Variants in CELF2 observed in about 807,000 individuals in gnomAD.
The protein encoded by CELF2 is CUGBP Elav-like family member 2, also known as CUG triplet repeat RNA-binding protein 2.
A neutral mutation model predicts 62.6 loss-of-function variants in CELF2; 8 were observed. The ratio of observed to expected loss-of-function variants is 0.13; its 90% CI spans 0.07 to 0.23. CELF2 has a LOEUF of 0.23. Among genes scored for constraint, CELF2 ranks in the 10% least tolerant of loss-of-function variants. CELF2 has a pLI of 1.00. For synonymous variants in CELF2, 258 were observed against 250.0 expected, an observed-to-expected ratio of 1.03 and a Z score of -0.30; for missense variants, 333 against 671.0, an observed-to-expected ratio of 0.50 and a Z score of 5.56.
intron 2 of CELF2, among the ~76,000 whole-genome samples, chr10:11,202,699 ATCT>A (rs1248948532): frequency 1.3e-5 from 2 of 152,210 alleles, no homozygotes; most frequent in Non-Finnish European, 2.9e-5. Context: ...TTAGCTATTG[ATCT>A]TCTTGTTATC....
In CELF2 at chr10:11,227,680, A is replaced by C. The variant is rs1055240367; in HGVS notation, c.354+10173A>C. Among the ~76,000 whole-genome samples, 2 of 152,186 alleles carry C rather than the reference A, an allele frequency of 1.3e-5. No individual in the cohort carries two copies. The highest frequency in any genetic ancestry group is 4.8e-5 in the African/African-American group (2 of 41,444). On this transcript the variant is annotated intron_variant, in intron 3 of 12. Transcript: ENST00000633077. This position sits in a 1 kb window ranked among gnomAD's most constrained non-coding sequence, Gnocchi z 4.8. ...TGGAAGCTCAGGCTACCTCTATCTT[A>C]GTTACAACAGTCAGAGCTCATGATG...
chr10:11,236,271 G>T (rs1023954564), intron 3 of CELF2, among the ~76,000 whole-genome samples: 9 of 152,192 alleles, frequency 5.9e-5, no homozygotes, highest in African/African-American at 2.2e-4. Flanking sequence ...AGTTAGTTTT[G>T]AACCAGAGAT....
At chr10:10,612,542 T>C in the CELF2 span, among the ~76,000 whole-genome samples, 1 of 152,132 alleles carries the variant, frequency 6.6e-6, no homozygotes, top group Non-Finnish European at 1.5e-5. Flanking sequence ...GGGAATAATA[T>C]GTGCAAAGAT....
the CELF2 span, among the ~76,000 whole-genome samples, chr10:10,613,138 G>A: frequency 2.1e-4 from 1 of 4,878 alleles, no homozygotes; most frequent in Non-Finnish European, 2.7e-4. Context: ...TAAAAGTAGA[G>A]GGTTTTTTTT....
At chr10:11,163,954 A>G (rs371811205) in intron 1 of CELF2, among the ~76,000 whole-genome samples, 2 of 152,210 alleles carry the variant, frequency 1.3e-5, no homozygotes, top group Non-Finnish European at 2.9e-5. Flanking sequence ...TTAACCAAGT[A>G]AGTAGCTCTC....
chr10:10,783,207 T>C, the CELF2 span, among the ~76,000 whole-genome samples: 1 of 152,208 alleles, frequency 6.6e-6, no homozygotes, highest in East Asian at 1.9e-4. Context: ...ACAGTATCTG[T>C]GACTGTGACC....
the CELF2 span, among the ~76,000 whole-genome samples, chr10:10,754,918 T>A: frequency 1.3e-5 from 2 of 152,214 alleles, no homozygotes; most frequent in Non-Finnish European, 1.5e-5. Context: ...AATGAGAATA[T>A]GCTTTGTGAA....
chr10:10,516,734 T>TAAAAA, the CELF2 span, among the ~76,000 whole-genome samples: 1 of 141,300 alleles, frequency 7.1e-6, no homozygotes, highest in Non-Finnish European at 1.5e-5. Flanking sequence ...TCAGCATCAT[T>TAAAAA]AAAAAAAAAA....
At chr10:10,545,151 A>G in the CELF2 span, among the ~76,000 whole-genome samples, 1 of 152,202 alleles carries the variant, frequency 6.6e-6, no homozygotes, top group African/African-American at 2.4e-5. Flanking sequence ...TACAACCTGT[A>G]AGATTATGCT....
chr10:10,504,174 T>G, the CELF2 span, among the ~76,000 whole-genome samples: 1 of 152,140 alleles, frequency 6.6e-6, no homozygotes, highest in Admixed American at 6.5e-5. Flanking sequence ...CTTGTAGTTG[T>G]TCCTTCCTGA....
chr10:10,702,033 T>C, the CELF2 span, among the ~76,000 whole-genome samples: 1 of 152,202 alleles, frequency 6.6e-6, no homozygotes. Context: ...AATCTAAAAG[T>C]CATTTTGACT....
chr10:10,502,209 T>C, the CELF2 span, among the ~76,000 whole-genome samples: 2 of 135,770 alleles, frequency 1.5e-5, no homozygotes, highest in South Asian at 2.1e-4. Context: ...GGGATATTGA[T>C]TTGCAGTTTT....
At chr10:10,889,151 A>T (rs1448395464) in intron 1 of CELF2, among the ~76,000 whole-genome samples, 1 of 152,202 alleles carries the variant, frequency 6.6e-6, no homozygotes, top group Non-Finnish European at 1.5e-5. Flanking sequence ...CCTCTAATAT[A>T]AAATGTTCAT....
At chr10:10,697,333 TG>T in the CELF2 span, among the ~76,000 whole-genome samples, 1 of 152,174 alleles carries the variant, frequency 6.6e-6, no homozygotes, top group South Asian at 2.1e-4. Context: ...AGCTCTTGAA[TG>T]ACAAGCTGTC....
chr10:10,472,078 T>C, the CELF2 span, among the ~76,000 whole-genome samples: 1 of 151,914 alleles, frequency 6.6e-6, no homozygotes, highest in South Asian at 2.1e-4. Flanking sequence ...ACGAATAGTT[T>C]TCTTTGTTTT....
chr10:10,584,366 C>G, the CELF2 span, among the ~76,000 whole-genome samples: 1 of 152,148 alleles, frequency 6.6e-6, no homozygotes, highest in South Asian at 2.1e-4. Context: ...TACAGAACTG[C>G]TGGATTGGTT....
chr10:11,137,329 C>T (rs1440146020), intron 1 of CELF2, among the ~76,000 whole-genome samples: 1 of 152,098 alleles, frequency 6.6e-6, no homozygotes, highest in African/African-American at 2.4e-5. Context: ...TGGAGTTAGC[C>T]CTCTGTGACT....
chr10:10,884,218 T>C (rs1280129199), intron 1 of CELF2, among the ~76,000 whole-genome samples: 1 of 152,216 alleles, frequency 6.6e-6, no homozygotes, highest in Non-Finnish European at 1.5e-5. Flanking sequence ...TTCAAAGCTC[T>C]GTAACAGTGA....
intron 1 of CELF2, among the ~76,000 whole-genome samples, chr10:10,833,695 C>A (rs1424635958): frequency 2.0e-5 from 3 of 151,940 alleles, no homozygotes; most frequent in East Asian, 1.9e-4. Flanking sequence ...ATGCAGCCAA[C>A]AAGCATATGA....
Sources: gnomAD v4.1 joint callset for allele counts (sites outside exome capture counted in the v4.1 genomes callset) on GRCh38, gnomAD v4.1.1 for gene constraint, Gnocchi (gnomAD v3.1) non-coding constraint, MANE v1.5 for transcripts, NCBI Gene and HGNC (gene_info 2026-07-23, HGNC 2026-07-21) for gene names.